Variants in ZNF143 observed in about 807,000 individuals in gnomAD.
ZNF143 encodes SPH-binding factor.
A neutral mutation model predicts 74.1 loss-of-function variants in ZNF143; 49 were observed. That is an observed-to-expected ratio of 0.66 (90% CI 0.53 to 0.84). The LOEUF is 0.84. ZNF143 is among the 40% of genes least tolerant of loss of function. The probability of loss-of-function intolerance (pLI) is 0.00; values close to 1 mark genes in which losing one functional copy is unlikely to be tolerated. For missense variants in ZNF143, 637 were observed against 793.4 expected (o/e 0.80, Z 2.37); for synonymous variants, 304 against 282.8 (o/e 1.07, Z -0.75).
rs142153492 is a variant in ZNF143 at position 9,475,690 on chromosome 11, A to C, written c.373+1057A>C. 2.0e-3 allele frequency among the ~76,000 whole-genome samples: 297 copies of C among 152,288 alleles called. 1 individual carries two copies. Among genetic ancestry groups the C allele is most frequent in the African/African-American group, 6.9e-3 (287 of 41,554 alleles). On this transcript the variant is annotated intron_variant, in intron 5 of 15. Transcript: ENST00000396602. ...CGGATCACCTGAGGTCAGGGGTTTG[A>C]GACCAGCCTGGCCATGCAAAACCCT... is the stretch of plus-strand genomic sequence containing the variant.
At chr11:9,467,781 T>C (rs1451638295) in intron 1 of ZNF143, among the ~76,000 whole-genome samples, 2 of 149,706 alleles carry the variant, frequency 1.3e-5, no homozygotes. Context: ...GAGGTGGAAG[T>C]TACAGTGAGC....
intron 1 of ZNF143, among the ~76,000 whole-genome samples, chr11:9,465,531 A>G (rs1313012140): frequency 6.6e-6 from 1 of 150,458 alleles, no homozygotes; most frequent in Non-Finnish European, 1.5e-5. Context: ...ATGGAGTCTC[A>G]CTCTGTCGCC....
chr11:9,464,749 G>A (rs959300132), intron 1 of ZNF143, among the ~76,000 whole-genome samples: 38 of 151,742 alleles, frequency 2.5e-4, no homozygotes, highest in African/African-American at 8.2e-4. Context: ...GTGAAATCCC[G>A]TCTCTACTAA....
At chr11:9,483,173 T>A (rs2133948917) in intron 7 of ZNF143, among the ~76,000 whole-genome samples, 1 of 150,914 alleles carries the variant, frequency 6.6e-6, no homozygotes, top group Middle Eastern at 3.4e-3. Context: ...TTTGTATTTT[T>A]AGTAGAGATG....
Position 9,479,543 on chromosome 11 carries a change from G to A in ZNF143, c.642G>A (p.Met214Ile). Residue 214 changes from methionine to isoleucine, a missense_variant, in exon 7 of 16, where the codon ATG (methionine) becomes ATA (isoleucine). Transcript: ENST00000396602. ...GAGAAAATGAGCAAGAGAAAAAAATGCAGGTATGTAAAGCTACTTTTTAAT... is the reference window on the plus strand; with the variant it reads ...GAGAAAATGAGCAAGAGAAAAAAATACAGGTATGTAAAGCTACTTTTTAAT... ...MIGENEQEKKMQIVLQGHATR... is the reference protein window; with the variant it reads ...MIGENEQEKKIQIVLQGHATR... The A allele has an allele frequency of 6.2e-7, 1 of 1,612,008 alleles. No individual in the cohort carries two copies. The highest frequency in any genetic ancestry group is 8.5e-7 in the Non-Finnish European group (1 of 1,179,234).
intron 1 of ZNF143, among the ~76,000 whole-genome samples, chr11:9,466,629 CAG>C (rs1359345162): frequency 1.3e-5 from 2 of 151,744 alleles, no homozygotes; most frequent in Middle Eastern, 3.4e-3. Flanking sequence ...TCCGTAGAGA[CAG>C]GGTTTCACTG....
intron 1 of ZNF143, among the ~76,000 whole-genome samples, chr11:9,468,430 G>A (rs1316847354): frequency 6.6e-6 from 1 of 152,130 alleles, no homozygotes; most frequent in Non-Finnish European, 1.5e-5. Flanking sequence ...CTACCTACCT[G>A]CCAGTCAGTT....
At chr11:9,505,376 T>A (rs1848326453) in intron 11 of ZNF143, among the ~76,000 whole-genome samples, 1 of 151,828 alleles carries the variant, frequency 6.6e-6, no homozygotes, top group South Asian at 2.1e-4. Flanking sequence ...TTCAAGTGAT[T>A]CTCCTGCCTC....
chr11:9,479,666 A>G, intron 7 of ZNF143, 120 bp downstream of exon 7: 1 of 729,790 alleles, frequency 1.4e-6, no homozygotes, highest in Non-Finnish European at 2.2e-6. Flanking sequence ...GTTCAGAAAA[A>G]CAATGTATGT....
intron 15 of ZNF143, among the ~76,000 whole-genome samples, chr11:9,526,701 CA>C (rs1218595500): frequency 2.0e-5 from 3 of 152,056 alleles, no homozygotes; most frequent in Admixed American, 1.3e-4. Flanking sequence ...CTCAGCCTCC[CA>C]AAGTGCTACG....
intron 5 of ZNF143, among the ~76,000 whole-genome samples, chr11:9,476,406 C>T (rs1420958983): frequency 6.6e-6 from 1 of 152,064 alleles, no homozygotes; most frequent in Non-Finnish European, 1.5e-5. Flanking sequence ...GACAGTCTCG[C>T]TCTGTTGCCA....
At chr11:9,514,797 T>C (rs1374441784) in intron 13 of ZNF143, among the ~76,000 whole-genome samples, 1 of 152,086 alleles carries the variant, frequency 6.6e-6, no homozygotes, top group Non-Finnish European at 1.5e-5. Context: ...CCTGGGGAAG[T>C]TGGTAAAGGC....
intron 11 of ZNF143, among the ~76,000 whole-genome samples, chr11:9,501,570 A>C (rs1313778503): frequency 2.0e-5 from 3 of 152,202 alleles, no homozygotes; most frequent in Admixed American, 6.5e-5. Context: ...TTATATGGAC[A>C]AGATGCTGTG....
intron 7 of ZNF143, among the ~76,000 whole-genome samples, chr11:9,492,632 T>C (rs993158393): frequency 6.6e-6 from 1 of 152,142 alleles, no homozygotes; most frequent in Non-Finnish European, 1.5e-5. Flanking sequence ...ATTATCACAA[T>C]CTTAATTTTA....
At chr11:9,516,417 TAC>T in intron 14 of ZNF143, 55 bp downstream of exon 14, 2 of 1,481,330 alleles carry the variant, frequency 1.4e-6, no homozygotes, top group East Asian at 4.8e-5. Flanking sequence ...CCAAAACAGT[TAC>T]ATAGGTATGC....
intron 5 of ZNF143, among the ~76,000 whole-genome samples, chr11:9,476,852 T>TGGGTTCA (rs1396616176): frequency 7.7e-6 from 1 of 129,256 alleles, no homozygotes; most frequent in East Asian, 2.6e-4. Flanking sequence ...CTCCGCCTCC[T>TGGGTTCA]GGGTTCACAC....
intron 7 of ZNF143, among the ~76,000 whole-genome samples, chr11:9,483,035 C>T (rs1847310994): frequency 6.6e-6 from 1 of 150,464 alleles, no homozygotes; most frequent in African/African-American, 2.5e-5. Flanking sequence ...ACTCTCTTGC[C>T]CAGGGTGGAG....
At chr11:9,502,818 T>C (rs1848215336) in intron 11 of ZNF143, among the ~76,000 whole-genome samples, 2 of 152,064 alleles carry the variant, frequency 1.3e-5, no homozygotes, top group South Asian at 2.1e-4. Flanking sequence ...GATATTTTCA[T>C]ATAAATGAAA....
intron 11 of ZNF143, 94 bp downstream of exon 11, chr11:9,501,364 C>T (rs1848150861): frequency 1.4e-5 from 20 of 1,385,214 alleles, no homozygotes; most frequent in Non-Finnish European, 1.7e-5. Context: ...CTCTTCCCTC[C>T]TTTCTATCAC....
Sources: allele counts gnomAD v4.1 joint callset (sites outside exome capture counted in the v4.1 genomes callset), GRCh38; gene constraint gnomAD v4.1.1; transcripts MANE v1.5; gene names NCBI Gene and HGNC (gene_info 2026-07-23, HGNC 2026-07-21).